Variants in PCDH15 observed in about 807,000 individuals in gnomAD.
PCDH15 encodes protocadherin-15.
In PCDH15, 129 loss-of-function variants were observed where a neutral mutation model predicts 178.5. That is an observed-to-expected ratio of 0.72 (90% CI 0.63 to 0.84). The LOEUF is 0.84. Ranked by LOEUF, PCDH15 falls within the 40% of genes least tolerant of loss-of-function variation. The pLI is 0.00. For missense variants in PCDH15, 2,230 were observed against 2,099.9 expected, an observed-to-expected ratio of 1.06 and a Z score of -1.21; for synonymous variants, 800 against 732.0, an observed-to-expected ratio of 1.09 and a Z score of -1.50.
intron 1 of PCDH15, among the ~76,000 whole-genome samples, chr10:55,216,410 G>T (rs1359260211): frequency 2.0e-5 from 3 of 151,860 alleles, no homozygotes; most frequent in East Asian, 1.9e-4. Flanking sequence ...TACAAATACG[G>T]TATACACCAA....
chr10:54,932,263 A>G (rs1348816678), intron 2 of PCDH15, among the ~76,000 whole-genome samples: 1 of 152,180 alleles, frequency 6.6e-6, no homozygotes, highest in Non-Finnish European at 1.5e-5. Flanking sequence ...TAGTGGGATA[A>G]GATTTGGAGG....
chr10:54,994,363 T>C (rs1839582494), intron 2 of PCDH15, among the ~76,000 whole-genome samples: 2 of 152,158 alleles, frequency 1.3e-5, no homozygotes, highest in African/African-American at 4.8e-5. Context: ...ATGTCAAAAA[T>C]AGCAGCCTAG....
At chr10:55,353,132 A>G (rs930114436) in intron 2 of PCDH15, among the ~76,000 whole-genome samples, 2 of 152,176 alleles carry the variant, frequency 1.3e-5, no homozygotes, top group Non-Finnish European at 2.9e-5. Context: ...TTCTTCAAGC[A>G]TCTCTACAAC....
intron 1 of PCDH15, among the ~76,000 whole-genome samples, chr10:54,725,148 T>A (rs1942294665): frequency 6.6e-6 from 1 of 151,400 alleles, no homozygotes; most frequent in African/African-American, 2.4e-5. Context: ...TCATGAGCCA[T>A]TCTGAAAAAT....
chr10:54,733,999 A>C (rs1024514031), intron 1 of PCDH15, among the ~76,000 whole-genome samples: 2 of 151,604 alleles, frequency 1.3e-5, no homozygotes, highest in African/African-American at 4.8e-5. Context: ...ACAAAAAAAA[A>C]CAAAGAAAAT....
chr10:54,710,543 C>T (rs986153816), intron 1 of PCDH15, among the ~76,000 whole-genome samples: 1 of 151,864 alleles, frequency 6.6e-6, no homozygotes, highest in Non-Finnish European at 1.5e-5. Flanking sequence ...AAATAAACAC[C>T]TCTATAATGA....
At chr10:54,175,057 C>T (rs1197002944) in intron 13 of PCDH15, among the ~76,000 whole-genome samples, 2 of 152,058 alleles carry the variant, frequency 1.3e-5, no homozygotes, top group African/African-American at 2.4e-5. Flanking sequence ...AAATTGTGTA[C>T]TAATGTAAAA....
In PCDH15 at chr10:55,502,189, C is replaced by T. The variant is rs562519239; in HGVS notation, c.-156+125436G>A. On this transcript the variant is annotated intron_variant, in intron 2 of 5. Coordinates refer to the PCDH15 transcript ENST00000613346. ...ACTTCTCCTTATGGAACTGCCATTC[C>T]AGCCTCATATTGCACGTCATTTCCA... 8.7e-4 allele frequency among the ~76,000 whole-genome samples: 132 copies of T among 151,676 alleles called. 1 individual carries two copies. Among genetic ancestry groups the T allele is most frequent in the African/African-American group, 2.9e-3 (120 of 41,470 alleles).
At chr10:55,568,619 C>CT (rs1842349424) in intron 2 of PCDH15, among the ~76,000 whole-genome samples, 1 of 151,900 alleles carries the variant, frequency 6.6e-6, no homozygotes, top group East Asian at 1.9e-4. Context: ...ATGAGTTTGG[C>CT]TTTGAACAAG....
intron 26 of PCDH15, among the ~76,000 whole-genome samples, chr10:53,890,588 G>T (rs1194295004): frequency 1.3e-5 from 2 of 152,068 alleles, no homozygotes; most frequent in African/African-American, 4.8e-5. Flanking sequence ...TCTAGGGGGA[G>T]AAATCCTGGA....
At chr10:54,887,945 G>A (rs1466415629) in intron 3 of PCDH15, among the ~76,000 whole-genome samples, 1 of 151,960 alleles carries the variant, frequency 6.6e-6, no homozygotes, top group Non-Finnish European at 1.5e-5. Flanking sequence ...ATCAAAGTTT[G>A]GTATTCAAGA....
chr10:54,334,793 G>A (rs914014066), intron 6 of PCDH15, among the ~76,000 whole-genome samples: 4 of 152,062 alleles, frequency 2.6e-5, no homozygotes, highest in Non-Finnish European at 5.9e-5. Flanking sequence ...TTGAGAAGTG[G>A]CGGAAATGTA....
intron 2 of PCDH15, among the ~76,000 whole-genome samples, chr10:54,978,559 C>A: frequency 6.6e-6 from 1 of 152,018 alleles, no homozygotes; most frequent in South Asian, 2.1e-4. Flanking sequence ...AACAAAGTTA[C>A]CCTTTTGTAG....
At chr10:55,262,022 A>T (rs1223221274) in intron 1 of PCDH15, among the ~76,000 whole-genome samples, 4 of 151,118 alleles carry the variant, frequency 2.6e-5, no homozygotes, top group Non-Finnish European at 5.9e-5. Flanking sequence ...GAAGAGAAAA[A>T]CAAAGAAGGG....
chr10:54,500,568 A>C (rs2080576533), intron 3 of PCDH15, among the ~76,000 whole-genome samples: 1 of 152,090 alleles, frequency 6.6e-6, no homozygotes, highest in African/African-American at 2.4e-5. Flanking sequence ...GGTGGTTCAC[A>C]GGTGTAACCC....
At chr10:55,057,685 T>G (rs1841337648) in intron 2 of PCDH15, among the ~76,000 whole-genome samples, 2 of 152,154 alleles carry the variant, frequency 1.3e-5, no homozygotes, top group Non-Finnish European at 2.9e-5. Flanking sequence ...CTCCATGATA[T>G]AAGCCATTGA....
Position 54,771,996 on chromosome 10 carries a change from C to A in PCDH15, c.-29+28929G>T, listed in dbSNP as rs1434074098. 1.3e-5 allele frequency among the ~76,000 whole-genome samples: 2 copies of A among 152,062 alleles called. 1 individual carries two copies. Among genetic ancestry groups the A allele is most frequent in the Non-Finnish European group, 2.9e-5 (2 of 68,002 alleles). ...GTATTCGGTGGAATTAAGTGCAATGCAAAACATGCTATGAATGTCAGCTGT... is the reference window on the plus strand; with the variant it reads ...GTATTCGGTGGAATTAAGTGCAATGAAAAACATGCTATGAATGTCAGCTGT... On this transcript the variant is annotated intron_variant, in intron 1 of 37. Transcript: ENST00000644397.
intron 2 of PCDH15, among the ~76,000 whole-genome samples, chr10:55,070,125 G>C (rs1841690805): frequency 6.6e-6 from 1 of 150,494 alleles, no homozygotes; most frequent in South Asian, 2.1e-4. Flanking sequence ...TGATGGGGTT[G>C]TTTGTTTTTT....
At chr10:54,535,082 C>G (rs1049711078) in intron 2 of PCDH15, among the ~76,000 whole-genome samples, 1 of 152,136 alleles carries the variant, frequency 6.6e-6, no homozygotes, top group Non-Finnish European at 1.5e-5. Flanking sequence ...ACTTGTGTTA[C>G]TCTCTTGGCA....
Sources: allele counts gnomAD v4.1 joint callset (sites outside exome capture counted in the v4.1 genomes callset), GRCh38; gene constraint gnomAD v4.1.1; transcripts MANE v1.5; gene names NCBI Gene and HGNC (gene_info 2026-07-23, HGNC 2026-07-21).